FSTL5: variants seen among roughly 807,000 people sequenced by gnomAD.
FSTL5 encodes the protein follistatin like 5.
In FSTL5, 62 loss-of-function variants were observed where a neutral mutation model predicts 89.1. That is an observed-to-expected ratio of 0.70 (90% confidence interval 0.57 to 0.86). The LOEUF (loss-of-function observed/expected upper bound fraction) is 0.86, where lower values mean the gene tolerates loss of function less well. FSTL5 is among the 40% of genes least tolerant of loss of function. The pLI is 0.00. For synonymous variants in FSTL5, 383 were observed against 346.2 expected, an observed-to-expected ratio of 1.11 and a Z score of -1.18; for missense variants, 1,057 against 1,001.6, an observed-to-expected ratio of 1.06 and a Z score of -0.75.
chr4:161,426,237 A>C (rs1223231986), intron 15 of FSTL5, among the ~76,000 whole-genome samples: 2 of 152,144 alleles, frequency 1.3e-5, no homozygotes, highest in East Asian at 3.9e-4. Context: ...TCGTTATTGC[A>C]CTGTGTGAAG....
intron 4 of FSTL5, among the ~76,000 whole-genome samples, chr4:161,805,657 C>T (rs1193995866): frequency 6.6e-6 from 1 of 152,026 alleles, no homozygotes; most frequent in African/African-American, 2.4e-5. Context: ...CAAGTATTTT[C>T]ACAATAACAT....
chr4:162,061,056 T>C (rs1738702633), intron 2 of FSTL5, among the ~76,000 whole-genome samples: 2 of 152,150 alleles, frequency 1.3e-5, no homozygotes, highest in Admixed American at 1.3e-4. Flanking sequence ...AATAAGGTAT[T>C]AAAATGTATA....
intron 15 of FSTL5, among the ~76,000 whole-genome samples, chr4:161,438,065 C>T (rs1321069797): frequency 1.4e-5 from 2 of 147,810 alleles, no homozygotes; most frequent in Non-Finnish European, 2.9e-5. Context: ...CCCTCATTCC[C>T]GCACAAGTCA....
chr4:161,553,170 C>T (rs913376301), intron 8 of FSTL5, among the ~76,000 whole-genome samples: 4 of 151,410 alleles, frequency 2.6e-5, no homozygotes, highest in Non-Finnish European at 5.9e-5. Flanking sequence ...GCTAATATAG[C>T]TCAGGAAATG....
At chr4:162,050,767 G>C (rs1738352888) in intron 2 of FSTL5, among the ~76,000 whole-genome samples, 1 of 151,220 alleles carries the variant, frequency 6.6e-6, no homozygotes, top group Non-Finnish European at 1.5e-5. Flanking sequence ...GAAAACAAAG[G>C]AATTTGAATT....
intron 8 of FSTL5, among the ~76,000 whole-genome samples, chr4:161,548,392 T>C (rs1417667044): frequency 6.6e-6 from 1 of 151,876 alleles, no homozygotes; most frequent in East Asian, 1.9e-4. Flanking sequence ...GAAAGAGGTG[T>C]GGTAGTTACA....
At chr4:161,866,358 G>A (rs896339144) in intron 4 of FSTL5, among the ~76,000 whole-genome samples, 1 of 151,942 alleles carries the variant, frequency 6.6e-6, no homozygotes, top group African/African-American at 2.4e-5. Context: ...AGACCTAGAT[G>A]TCTGTAGAAC....
intron 4 of FSTL5, among the ~76,000 whole-genome samples, chr4:161,829,425 C>A (rs529901963): frequency 6.1e-4 from 92 of 150,782 alleles, no homozygotes; most frequent in African/African-American, 2.2e-3. Context: ...AAAAATAAAC[C>A]ACTGGAAAAC....
intron 4 of FSTL5, among the ~76,000 whole-genome samples, chr4:161,797,620 AACC>A (rs1279955147): frequency 6.6e-6 from 1 of 151,608 alleles, no homozygotes; most frequent in Non-Finnish European, 1.5e-5. Flanking sequence ...AATGTACATG[AACC>A]ACTATTAAAA....
intron 2 of FSTL5, among the ~76,000 whole-genome samples, chr4:162,099,237 C>A (rs1730889467): frequency 6.6e-6 from 1 of 151,868 alleles, no homozygotes; most frequent in Non-Finnish European, 1.5e-5. Context: ...CTACATACAT[C>A]CAAGGGATTT....
intron 7 of FSTL5, among the ~76,000 whole-genome samples, chr4:161,605,367 A>T (rs943062025): frequency 1.1e-4 from 16 of 152,194 alleles, no homozygotes; most frequent in African/African-American, 3.9e-4. Context: ...CAATGATTTA[A>T]TTACATATAA....
chr4:161,938,901 C>T (rs943819624), intron 3 of FSTL5, among the ~76,000 whole-genome samples: 5 of 151,626 alleles, frequency 3.3e-5, no homozygotes, highest in South Asian at 2.1e-4. Context: ...ACATAAGGCA[C>T]GGAACAGGTT....
intron 7 of FSTL5, among the ~76,000 whole-genome samples, chr4:161,647,611 T>C (rs1200828954): frequency 1.3e-5 from 2 of 152,098 alleles, no homozygotes; most frequent in African/African-American, 4.8e-5. Context: ...AGATCTGCTA[T>C]AAAACATCAT....
intron 6 of FSTL5, among the ~76,000 whole-genome samples, chr4:161,706,733 C>A (rs779028715): frequency 3.2e-4 from 49 of 151,958 alleles, no homozygotes; most frequent in Non-Finnish European, 5.0e-4. Context: ...AAAATGTACA[C>A]AGCGACCTTT....
At chr4:162,042,542 G>A (rs1050152105) in intron 2 of FSTL5, among the ~76,000 whole-genome samples, 2 of 151,960 alleles carry the variant, frequency 1.3e-5, no homozygotes, top group African/African-American at 4.8e-5. Flanking sequence ...GATAAGGGAT[G>A]GATCAGGTAG....
chr4:161,601,699 G>A (rs1170662815), intron 7 of FSTL5, among the ~76,000 whole-genome samples: 1 of 152,034 alleles, frequency 6.6e-6, no homozygotes, highest in Non-Finnish European at 1.5e-5. Context: ...GATGGACCAG[G>A]CACAATCAAG....
chr4:161,920,306 A>T, intron 4 of FSTL5, 98 bp downstream of exon 4: 2 of 1,225,960 alleles, frequency 1.6e-6, no homozygotes, highest in Non-Finnish European at 2.3e-6. Context: ...TTTCCTTTTT[A>T]GACCCTTGCT....
intron 4 of FSTL5, among the ~76,000 whole-genome samples, chr4:161,786,403 C>A (rs1741905110): frequency 6.6e-6 from 1 of 152,020 alleles, no homozygotes; most frequent in South Asian, 2.1e-4. Flanking sequence ...ATGTAACCTG[C>A]AGAAAGCCAT....
chr4:162,033,736 G>C, intron 2 of FSTL5, 78 bp from the exon 3 acceptor site: 1 of 754,102 alleles, frequency 1.3e-6, no homozygotes, highest in East Asian at 2.8e-5. Context: ...TTTCACTATA[G>C]AAGTATCAAA....
Sources: allele counts gnomAD v4.1 joint callset (sites outside exome capture counted in the v4.1 genomes callset), GRCh38; gene constraint gnomAD v4.1.1; transcripts MANE v1.5; gene names NCBI Gene and HGNC (gene_info 2026-07-23, HGNC 2026-07-21).